PLCB4: variants seen among roughly 807,000 people sequenced by gnomAD.
The protein encoded by PLCB4 is 1-phosphatidylinositol 4,5-bisphosphate phosphodiesterase beta-4.
PLCB4 carries 77 observed loss-of-function variants against 178.8 expected under a neutral mutation model. That is an observed-to-expected ratio of 0.43 (90% confidence interval 0.36 to 0.52). PLCB4 has a LOEUF of 0.52. PLCB4 is among the 20% of genes least tolerant of loss of function. The probability of loss-of-function intolerance (pLI) is 0.00; values close to 1 mark genes in which losing one functional copy is unlikely to be tolerated. For synonymous variants in PLCB4, 496 were observed against 490.8 expected, an observed-to-expected ratio of 1.01 and a Z score of -0.14; for missense variants, 1,024 against 1,453.4, an observed-to-expected ratio of 0.70 and a Z score of 4.80.
intron 2 of PLCB4, among the ~76,000 whole-genome samples, chr20:9,152,270 C>T (rs978626490): frequency 6.6e-6 from 1 of 152,176 alleles, no homozygotes; most frequent in African/African-American, 2.4e-5. Flanking sequence ...TAATGTTAAT[C>T]CCCAAGACCA....
At chr20:9,460,737 CA>C (rs1433292685) in intron 35 of PLCB4, among the ~76,000 whole-genome samples, 13 of 152,056 alleles carry the variant, frequency 8.5e-5, no homozygotes, top group African/African-American at 1.7e-4. Context: ...ATAAATCAAA[CA>C]AAAAAATGTG....
intron 1 of PLCB4, among the ~76,000 whole-genome samples, chr20:9,087,512 A>G (rs768515943): frequency 8.5e-5 from 13 of 152,248 alleles, no homozygotes; most frequent in Non-Finnish European, 1.6e-4. Context: ...AAAACATAGT[A>G]CAATGTAAAT....
At chr20:9,427,244 A>C (rs2041083422) in intron 28 of PLCB4, among the ~76,000 whole-genome samples, 1 of 152,068 alleles carries the variant, frequency 6.6e-6, no homozygotes. Flanking sequence ...CAACAACAAC[A>C]AAATAACTCC....
intron 2 of PLCB4, among the ~76,000 whole-genome samples, chr20:9,214,603 T>A: frequency 6.6e-6 from 1 of 151,030 alleles, no homozygotes; most frequent in African/African-American, 2.5e-5. Flanking sequence ...AGCCTCTGTC[T>A]CTCACACACA....
intron 15 of PLCB4, among the ~76,000 whole-genome samples, chr20:9,389,045 C>A (rs909635438): frequency 1.3e-5 from 2 of 152,030 alleles, no homozygotes; most frequent in African/African-American, 4.8e-5. Flanking sequence ...TAGCTACAAA[C>A]CAGTAAGAAT....
chr20:9,146,689 A>G (rs1013835423), intron 2 of PLCB4, among the ~76,000 whole-genome samples: 1 of 152,066 alleles, frequency 6.6e-6, no homozygotes, highest in Non-Finnish European at 1.5e-5. Flanking sequence ...TTTACATGGT[A>G]TTTTGACTCA....
chr20:9,307,977 T>A (rs2094790337), intron 4 of PLCB4, 79 bp downstream of exon 4: 1 of 607,134 alleles, frequency 1.6e-6, no homozygotes, highest in East Asian at 3.0e-5. Context: ...GAGTAAATAT[T>A]CTTTGACATA....
rs1007757327 is a variant in PLCB4, at chr20:9,480,769, A to T, written c.*1760A>T. Reference sequence around the variant, plus strand: ...CTTTTGGCACTAACATCTCATGAAAAATTATGGTTAATAAAATATCACCAC... The same window carrying T: ...CTTTTGGCACTAACATCTCATGAAATATTATGGTTAATAAAATATCACCAC... On this transcript the variant is annotated 3_prime_UTR_variant, in exon 40 of 40. Transcript: ENST00000378473. The T allele has an allele frequency of 2.6e-5, 4 of 152,178 alleles. No individual in the cohort carries two copies. The highest frequency in any genetic ancestry group is 5.9e-5 in the Non-Finnish European group (4 of 68,038). 9.4% of individuals were successfully genotyped at this position (152,178 alleles called of 1,614,324 possible). A position where few individuals can be genotyped will look rare whatever the true frequency, so the allele number is the denominator to read the frequency against.
At chr20:9,184,322 T>G (rs1188859951) in intron 2 of PLCB4, among the ~76,000 whole-genome samples, 1 of 152,214 alleles carries the variant, frequency 6.6e-6, no homozygotes, top group Non-Finnish European at 1.5e-5. Flanking sequence ...GTAGATAGCT[T>G]TATTTGGCTC....
intron 2 of PLCB4, among the ~76,000 whole-genome samples, chr20:9,175,072 C>CGG (rs2093131795): frequency 6.6e-6 from 1 of 152,024 alleles, no homozygotes; most frequent in Non-Finnish European, 1.5e-5. Flanking sequence ...TCCAGAAGAC[C>CGG]GGGTATACAG....
At chr20:9,276,737 A>G (rs555760848) in intron 3 of PLCB4, among the ~76,000 whole-genome samples, 1 of 152,128 alleles carries the variant, frequency 6.6e-6, no homozygotes, top group Admixed American at 6.5e-5. Context: ...ATGAAGATTC[A>G]AATCCCAGCT....
In PLCB4 at chr20:9,437,216, C is replaced by A. The variant is rs1602706223; in HGVS notation, c.2764+64C>A. The stretch of plus-strand genomic sequence containing the variant: ...ACCTTAATTACACAGTGTACAATAT[C>A]TATAGCTTTAGGAAATATATAAATT... On this transcript the variant is annotated intron_variant, in intron 30 of 39. Transcript: ENST00000378473. The A allele has an allele frequency of 6.7e-5, 93 of 1,386,728 alleles. 1 individual carries two copies. The South Asian group carries it at 1.2e-3, about 18-fold the overall frequency. 85.9% of individuals were successfully genotyped at this position (1,386,728 alleles called of 1,614,324 possible).
chr20:9,255,111 A>G (rs1478036048), intron 3 of PLCB4, among the ~76,000 whole-genome samples: 2 of 152,266 alleles, frequency 1.3e-5, no homozygotes, highest in Non-Finnish European at 2.9e-5. Flanking sequence ...AATACTATAG[A>G]TAAGACATGG....
intron 18 of PLCB4, among the ~76,000 whole-genome samples, 196 bp downstream of exon 18, chr20:9,393,874 A>G (rs1218349439): frequency 2.0e-5 from 3 of 152,232 alleles, no homozygotes; most frequent in African/African-American, 4.8e-5. Context: ...TTCATGCAGT[A>G]GGAAAAGCAT....
At chr20:9,213,400 C>T (rs937874070) in intron 2 of PLCB4, among the ~76,000 whole-genome samples, 2 of 152,104 alleles carry the variant, frequency 1.3e-5, no homozygotes, top group Non-Finnish European at 2.9e-5. Context: ...CCACCCTGGC[C>T]TCCCAAACTG....
chr20:9,333,840 C>T (rs2032053730), intron 4 of PLCB4, among the ~76,000 whole-genome samples: 2 of 152,052 alleles, frequency 1.3e-5, no homozygotes, highest in South Asian at 4.1e-4. Context: ...AAGGATGACT[C>T]TTAGTTTCAA....
intron 38 of PLCB4, 37 bp from the exon 39 acceptor site, chr20:9,476,680 T>C: frequency 6.8e-7 from 1 of 1,462,488 alleles, no homozygotes; most frequent in Non-Finnish European, 9.6e-7. Flanking sequence ...TTTGTATGTA[T>C]GACTCAATTT....
intron 2 of PLCB4, among the ~76,000 whole-genome samples, chr20:9,209,400 T>G (rs2093648647): frequency 6.6e-6 from 1 of 151,688 alleles, no homozygotes; most frequent in South Asian, 2.1e-4. Flanking sequence ...GCCCCTTGGT[T>G]TACATCTCCT....
chr20:9,227,835 T>C lies in PLCB4; in HGVS notation c.-16+10383T>C, dbSNP rs192224782. On this transcript the variant is annotated intron_variant, in intron 3 of 39. Transcript: ENST00000378473. ...CTCTTGAAGGAAGAGTTTTATTTTA[T>C]AAATAAAAATGTAATACTTTTATTA... is the stretch of plus-strand genomic sequence containing the variant. Among the ~76,000 whole-genome samples the C allele has an allele frequency of 1.2e-4, 19 of 152,320 alleles. 1 individual carries two copies. In the East Asian group the frequency reaches 1.7e-3, roughly 14 times the overall value.
Sources: gnomAD v4.1 joint callset for allele counts (sites outside exome capture counted in the v4.1 genomes callset) on GRCh38, gnomAD v4.1.1 for gene constraint, MANE v1.5 for transcripts, NCBI Gene and HGNC (gene_info 2026-07-23, HGNC 2026-07-21) for gene names.